The following LYST variants were observed in gnomAD, a reference collection of about 807,000 sequenced individuals.
LYST encodes lysosomal trafficking regulator, also known as lysosomal-trafficking regulator.
In LYST, 192 loss-of-function variants were observed where a neutral mutation model predicts 413.6. That is an observed-to-expected ratio of 0.46 (90% confidence interval 0.41 to 0.52). LYST has a LOEUF of 0.52. Ranked by LOEUF, LYST falls within the 20% of genes least tolerant of loss-of-function variation. The probability of loss-of-function intolerance (pLI) is 0.00; values close to 1 mark genes in which losing one functional copy is unlikely to be tolerated. For synonymous variants in LYST, 1,525 were observed against 1,567.3 expected, an observed-to-expected ratio of 0.97 and a Z score of 0.64; for missense variants, 3,815 against 4,499.9, an observed-to-expected ratio of 0.85 and a Z score of 4.35.
chr1:235,827,809 T>C (rs2102985012), intron 3 of LYST: 2 of 823,786 alleles, frequency 2.4e-6, no homozygotes, highest in East Asian at 1.2e-4. Context: ...TATCTTAAAA[T>C]ATATCTTATG....
At chr1:235,807,078 C>A (rs1375895713) in intron 5 of LYST, among the ~76,000 whole-genome samples, 1 of 152,156 alleles carries the variant, frequency 6.6e-6, no homozygotes, top group Admixed American at 6.5e-5. Flanking sequence ...CTCCAAATGG[C>A]AAATTCTATA....
chr1:235,779,111 C>T (rs937786524), intron 16 of LYST, among the ~76,000 whole-genome samples: 2 of 152,114 alleles, frequency 1.3e-5, no homozygotes, highest in Non-Finnish European at 1.5e-5. Flanking sequence ...AGGTGATCCA[C>T]CCGCCTCGGC....
chr1:235,675,068 C>G (rs1659270417), intron 50 of LYST, among the ~76,000 whole-genome samples: 1 of 152,108 alleles, frequency 6.6e-6, no homozygotes, highest in Non-Finnish European at 1.5e-5. Flanking sequence ...ACTACAAAGC[C>G]AAGAGATGTT....
chr1:235,808,646 T>C lies in LYST; in HGVS notation c.2172A>G (p.Ile724Met), dbSNP rs774812664. 16 of 1,612,970 alleles carry C rather than the reference T, an allele frequency of 9.9e-6. No individual in the cohort carries two copies. The East Asian group carries it at 3.6e-4, about 36-fold the overall frequency. ...HICNLIQKGN[I>M]VVQWKLYNYI... The stretch of plus-strand genomic sequence containing the variant: ...AATTATATAATTTCCACTGAACAAC[T>C]ATATTGCCTTTCTGGATTAAATTGC... The change falls in exon 5 of 53, where the codon ATA (isoleucine) becomes ATG (methionine). Residue 724 changes from isoleucine to methionine, a missense_variant. Around this residue, in one of 4 missense-constraint regions of LYST, gnomAD observed 1,648 missense variants for 1,810.3 expected, o/e 0.91. Coordinates refer to ENST00000389793, the MANE Select transcript of LYST (RefSeq NM_000081.4).
intron 2 of LYST, among the ~76,000 whole-genome samples, chr1:235,833,369 C>T (rs1168025828): frequency 2.0e-5 from 3 of 152,056 alleles, no homozygotes; most frequent in Non-Finnish European, 2.9e-5. Context: ...CCTTTTGTAA[C>T]TTTGCTTTTT....
intron 47 of LYST, among the ~76,000 whole-genome samples, chr1:235,690,637 G>C (rs1377510535): frequency 6.6e-6 from 1 of 152,172 alleles, no homozygotes; most frequent in Non-Finnish European, 1.5e-5. Context: ...GGGATATTGA[G>C]GGTTATGCAA....
intron 42 of LYST, chr1:235,712,624 A>T: frequency 1.0e-6 from 1 of 985,122 alleles, no homozygotes; most frequent in Non-Finnish European, 1.2e-6. Flanking sequence ...CCCCATCAGG[A>T]AGCATGATTC....
rs748555313 is a variant in LYST, at chr1:235,724,172, C to T, written c.9171G>A (p.Gln3057=). 35 of 1,613,456 alleles carry T rather than the reference C, an allele frequency of 2.2e-5. No homozygotes were observed. Among genetic ancestry groups the T allele is most frequent in the Admixed American group, 3.3e-5 (2 of 59,992 alleles). ...ASDTVESSSL[Q]GELEPASFSW... ...AAAATGATGCTGGTTCCAACTCTCC[C>T]TGAAGGCTCTAAGACAAAGAAATAG... is the stretch of plus-strand genomic sequence containing the variant. The change falls in exon 39 of 53, where the codon CAG becomes CAA. Residue 3057 remains glutamine (Q), a synonymous_variant. Coordinates refer to ENST00000389793, the MANE Select transcript of LYST (RefSeq NM_000081.4).
chr1:235,810,618 T>A lies in LYST; in HGVS notation c.284-84A>T, dbSNP rs1250822537. 2.0e-5 allele frequency: 25 copies of A among 1,222,584 alleles called. No homozygotes were observed. The East Asian group carries it at 2.1e-4, about 10-fold the overall frequency. 75.7% of individuals were successfully genotyped at this position (1,222,584 alleles called of 1,614,324 possible). On this transcript the variant is annotated intron_variant, in intron 4 of 52. Transcript: ENST00000389793. The stretch of plus-strand genomic sequence containing the variant: ...AAGGTGACAGCCCTCTTATTTATCT[T>A]AAACCCACTAAAGGAGTTTATCCTC...
intron 1 of LYST, among the ~76,000 whole-genome samples, chr1:235,860,517 C>T (rs10754796): frequency 0.44 from 67,568 of 151,984 alleles, 16,257 homozygotes; most frequent in African/African-American, 0.61. Context: ...CTCCTTCTCT[C>T]CACCACTAAT....
intron 12 of LYST, among the ~76,000 whole-genome samples, chr1:235,790,093 AAT>A (rs1670833960): frequency 6.6e-6 from 1 of 152,180 alleles, no homozygotes; most frequent in African/African-American, 2.4e-5. Context: ...ATCTTTCTAA[AAT>A]ATGTTTTCTA....
Position 235,744,034 on chromosome 1 carries a change from T to G in LYST, c.8096A>C (p.Asn2699Thr). 1.9e-6 allele frequency: 3 copies of G among 1,573,202 alleles called. No individual in the cohort carries two copies. The highest frequency in any genetic ancestry group is 2.6e-6 in the Non-Finnish European group (3 of 1,143,850). The change falls in exon 30 of 53, where the codon AAT becomes ACT. Residue 2699 changes from asparagine (N) to threonine (T), a missense_variant. Transcript: ENST00000389793. ...NIHHEQSSVFNPFQKEIFTYL... is the reference protein window; with the variant it reads ...NIHHEQSSVFTPFQKEIFTYL... ...TGTAAAAATTTCTTTCTGAAATGGA[T>G]TGAAAACAGAAGACTGTTCATGATG... is the stretch of plus-strand genomic sequence containing the variant.
intron 8 of LYST, among the ~76,000 whole-genome samples, chr1:235,801,720 A>G (rs1672248585): frequency 6.6e-6 from 1 of 152,250 alleles, no homozygotes; most frequent in South Asian, 2.1e-4. Context: ...CCAAAATTAT[A>G]AAGTCAAATC....
intron 16 of LYST, among the ~76,000 whole-genome samples, chr1:235,780,273 G>A (rs79656514): frequency 0.015 from 2,211 of 151,872 alleles, 16 homozygotes; most frequent in Non-Finnish European, 0.023. Flanking sequence ...GTGTGGTGAT[G>A]CATGACCACA....
chr1:235,679,546 T>A (rs1659650623), intron 48 of LYST, among the ~76,000 whole-genome samples: 2 of 152,148 alleles, frequency 1.3e-5, no homozygotes, highest in African/African-American at 4.8e-5. Flanking sequence ...TTTTTGTGCC[T>A]GGTTTTGTGT....
At chr1:235,761,979 G>A (rs1257112743) in intron 22 of LYST, among the ~76,000 whole-genome samples, 1 of 124,614 alleles carries the variant, frequency 8.0e-6, no homozygotes, top group African/African-American at 2.9e-5. Context: ...GTTGTCGGGT[G>A]GGGGGAGGGG....
At chr1:235,760,317 A>G (rs996607824) in intron 22 of LYST, among the ~76,000 whole-genome samples, 7 of 152,058 alleles carry the variant, frequency 4.6e-5, no homozygotes, top group Non-Finnish European at 1.0e-4. Context: ...AGCTCAACAT[A>G]TAACAGGTGC....
chr1:235,809,348 T>A lies in LYST; in HGVS notation c.1470A>T (p.Gln490His). Residue 490 changes from glutamine to histidine, a missense_variant, in exon 5 of 53, where the codon CAA (glutamine) becomes CAT (histidine). Transcript: ENST00000389793. This position sits in a 1 kb window ranked among gnomAD's most constrained non-coding sequence, Gnocchi z 4.0. ...MSTVKKVKSEQLHHSMCTRKR... is the reference protein window; with the variant it reads ...MSTVKKVKSEHLHHSMCTRKR... ...TTCTTGTACACATCGAATGATGAAG[T>A]TGCTCTGATTTCACTTTTTTGACAG... The A allele has an allele frequency of 1.2e-6, 2 of 1,614,084 alleles. No individual in the cohort carries two copies. Among genetic ancestry groups the A allele is most frequent in the Non-Finnish European group, 1.7e-6 (2 of 1,180,000 alleles).
chr1:235,774,302 T>G (rs1006460649), intron 18 of LYST, among the ~76,000 whole-genome samples: 1 of 152,184 alleles, frequency 6.6e-6, no homozygotes, highest in Admixed American at 6.5e-5. Context: ...AAAAAAGTAG[T>G]AAGGATTCAT....
Sources: gnomAD v4.1 joint callset for allele counts (sites outside exome capture counted in the v4.1 genomes callset) on GRCh38, gnomAD v4.1.1 for gene constraint, gnomAD v4.1.1 regional missense constraint, Gnocchi (gnomAD v3.1) non-coding constraint, MANE v1.5 for transcripts, NCBI Gene and HGNC (gene_info 2026-07-23, HGNC 2026-07-21) for gene names.